The following TOGARAM1 variants were observed in gnomAD, a reference collection of about 807,000 sequenced individuals.
TOGARAM1 encodes TOG array regulator of axonemal microtubules protein 1.
TOGARAM1 carries 100 observed loss-of-function variants against 166.6 expected under a neutral mutation model. The observed-to-expected ratio is 0.60, with a 90% CI of 0.51 to 0.71. The LOEUF is 0.71. TOGARAM1 is among the 30% of genes least tolerant of loss of function. The pLI is 0.00. For synonymous variants in TOGARAM1, 758 were observed against 763.8 expected, an observed-to-expected ratio of 0.99 and a Z score of 0.13; for missense variants, 2,029 against 2,102.7, an observed-to-expected ratio of 0.96 and a Z score of 0.69.
chr14:45,073,459 A>G lies in TOGARAM1; in HGVS notation c.5220A>G (p.Ala1740=). ...ATAKLSKALF[A]QMGQNLLNQA... is the part of the protein sequence containing the mutation. ...CTAAATTATCAAAAGCACTCTTTGC[A>G]CAGATGGGTCAGAATCTGTTAAATC... is the stretch of plus-strand genomic sequence containing the variant. Residue 1740 remains alanine (A), a synonymous_variant, in exon 20 of 20, where the codon GCA becomes GCG. Coordinates refer to ENST00000361462, the MANE Select transcript of TOGARAM1 (RefSeq NM_001308120.2). 1 of 1,614,186 alleles carries G rather than the reference A, an allele frequency of 6.2e-7. No homozygotes were observed. The highest frequency in any genetic ancestry group is 2.2e-5 in the East Asian group (1 of 44,872).
intron 1 of TOGARAM1, among the ~76,000 whole-genome samples, chr14:44,980,494 A>G (rs1886469564): frequency 1.3e-5 from 2 of 152,206 alleles, no homozygotes. Context: ...CAGCCTGGCC[A>G]ACATAGTGAA....
In TOGARAM1 at chr14:45,022,404, G is replaced by A. The variant is rs185747705; in HGVS notation, c.3239-3379G>A. Reference sequence around the variant, plus strand: ...ATGGCCTGTTCTTTGTTCTCCTGAAGGAGCTTGGCGATAAGGCAGGGGATT... The same window carrying A: ...ATGGCCTGTTCTTTGTTCTCCTGAAAGAGCTTGGCGATAAGGCAGGGGATT... On this transcript the variant is annotated intron_variant, in intron 7 of 19. Transcript: ENST00000361462. Among the ~76,000 whole-genome samples the A allele has an allele frequency of 3.3e-4, 49 of 149,958 alleles. No individual in the cohort carries two copies. In the Middle Eastern group the frequency reaches 0.02, roughly 62 times the overall value.
intron 2 of TOGARAM1, among the ~76,000 whole-genome samples, chr14:44,998,619 G>C (rs530862690): frequency 6.6e-6 from 1 of 152,132 alleles, no homozygotes; most frequent in African/African-American, 2.4e-5. Flanking sequence ...GGCAATAAGA[G>C]TGAGACCCTG....
chr14:45,036,145 A>T (rs1224462450), intron 11 of TOGARAM1, among the ~76,000 whole-genome samples: 1 of 150,586 alleles, frequency 6.6e-6, no homozygotes, highest in Non-Finnish European at 1.5e-5. Context: ...AAAAAAAAAA[A>T]AAAAAAAAAA....
chr14:45,068,615 T>C lies in TOGARAM1; in HGVS notation c.4941T>C (p.Asn1647=). 6.2e-7 allele frequency: 1 copy of C among 1,610,614 alleles called. No homozygotes were observed. The highest frequency in any genetic ancestry group is 8.5e-7 in the Non-Finnish European group (1 of 1,178,422). The change falls in exon 18 of 20, where the codon AAT becomes AAC. Residue 1647 remains asparagine (N), a synonymous_variant. Coordinates refer to ENST00000361462, the MANE Select transcript of TOGARAM1 (RefSeq NM_001308120.2). ...CAGGCATCTATGCGGCTGCTACAAATGTTGTTCAGGCACTGAGTCAGCATG... is the reference window on the plus strand; with the variant it reads ...CAGGCATCTATGCGGCTGCTACAAACGTTGTTCAGGCACTGAGTCAGCATG... ...KNPGIYAAAT[N]VVQALSQHVD... is the part of the protein sequence containing the mutation.
intron 6 of TOGARAM1, among the ~76,000 whole-genome samples, chr14:45,011,523 A>G (rs181879384): frequency 7.9e-4 from 120 of 152,162 alleles, no homozygotes; most frequent in Non-Finnish European, 1.4e-3. Context: ...GATGGTGCCC[A>G]GGCTGGCCTT....
chr14:45,024,920 G>A (rs1402793459), intron 7 of TOGARAM1, among the ~76,000 whole-genome samples: 1 of 152,042 alleles, frequency 6.6e-6, no homozygotes, highest in Non-Finnish European at 1.5e-5. Context: ...AAAACCTAAA[G>A]CAATACATAT....
Position 45,052,575 on chromosome 14 carries a change from A to G in TOGARAM1, c.4440+13A>G. The G allele has an allele frequency of 6.3e-7, 1 of 1,579,726 alleles. No homozygotes were observed. On this transcript the variant is annotated intron_variant, in intron 15 of 19. Coordinates refer to ENST00000361462, the MANE Select transcript of TOGARAM1 (RefSeq NM_001308120.2). ...CTTACAGCAAAAGGTATGTGGGAAA[A>G]GTTTGTTTTATAAACAGCTTTATAA...
At position 45,008,867 on chromosome 14, in the gene TOGARAM1, A is replaced by G. The variant is rs201373605; in HGVS notation, c.2905-46A>G. 24 of 1,472,942 alleles carry G rather than the reference A, an allele frequency of 1.6e-5. No homozygotes were observed. In the East Asian group the frequency reaches 4.9e-4, roughly 30 times the overall value. 91.2% of individuals were successfully genotyped at this position (1,472,942 alleles called of 1,614,324 possible). ...AAATTTAAGGATAACTTTTACCAATATAAGGAATTTATGTTATAAAGTTTA... is the reference window on the plus strand; with the variant it reads ...AAATTTAAGGATAACTTTTACCAATGTAAGGAATTTATGTTATAAAGTTTA... On this transcript the variant is annotated intron_variant, in intron 5 of 19. Transcript: ENST00000361462.
chr14:45,037,909 T>C (rs1014359292), intron 11 of TOGARAM1, among the ~76,000 whole-genome samples: 8 of 150,492 alleles, frequency 5.3e-5, no homozygotes, highest in Non-Finnish European at 8.9e-5. Flanking sequence ...TCCCAGCTAC[T>C]GGGGAGGCTG....
intron 16 of TOGARAM1, 38 bp downstream of exon 16, chr14:45,054,587 C>G: frequency 2.2e-6 from 3 of 1,393,662 alleles, no homozygotes; most frequent in Non-Finnish European, 3.0e-6. Flanking sequence ...AGAAATTACT[C>G]CCTTGTGATA....
At position 45,034,079 on chromosome 14, in the gene TOGARAM1, C is replaced by T. The variant is rs566867762; in HGVS notation, c.3812+1703C>T. Among the ~76,000 whole-genome samples the T allele has an allele frequency of 2.2e-4, 33 of 152,216 alleles. No individual in the cohort carries two copies. In the South Asian group the frequency reaches 6.6e-3, roughly 31 times the overall value. On this transcript the variant is annotated intron_variant, in intron 11 of 19. Transcript: ENST00000361462. ...GGCTGAGGCACAAGAATCGCTTGAA[C>T]CTGGGAGGCAGAGGTTGCAGTGAAC...
chr14:44,979,270 C>T (rs1886397777), intron 1 of TOGARAM1, among the ~76,000 whole-genome samples: 1 of 152,104 alleles, frequency 6.6e-6, no homozygotes, highest in African/African-American at 2.4e-5. Flanking sequence ...AAACAATAGA[C>T]ATTTATTGCT....
chr14:45,056,661 T>TTTTTTTTAATTCCGTGTGTTAAAC (rs1462526364), intron 16 of TOGARAM1, among the ~76,000 whole-genome samples: 3 of 152,196 alleles, frequency 2.0e-5, no homozygotes, highest in Non-Finnish European at 4.4e-5. Flanking sequence ...GTGTGATGTA[T>TTTTTTTTAATTCCGTGTGTTAAAC]CATATTTTTT....
intron 11 of TOGARAM1, among the ~76,000 whole-genome samples, chr14:45,032,866 A>G (rs1483351986): frequency 1.3e-5 from 2 of 152,138 alleles, no homozygotes; most frequent in Non-Finnish European, 2.9e-5. Flanking sequence ...ACTATCTCTC[A>G]TTATACCCAT....
chr14:45,044,553 A>T, intron 12 of TOGARAM1, 82 bp from the exon 13 acceptor site: 2 of 1,017,276 alleles, frequency 2.0e-6, no homozygotes, highest in Admixed American at 2.6e-5. Context: ...AAAAAAAAAC[A>T]TTGTAAAATT....
At chr14:45,018,688 A>G (rs1028264136) in intron 7 of TOGARAM1, among the ~76,000 whole-genome samples, 1 of 152,216 alleles carries the variant, frequency 6.6e-6, no homozygotes, top group Non-Finnish European at 1.5e-5. Flanking sequence ...CATTTAGTCT[A>G]TAATATAGTT....
intron 7 of TOGARAM1, among the ~76,000 whole-genome samples, chr14:45,013,333 T>C (rs1594654119): frequency 6.6e-6 from 1 of 152,218 alleles, no homozygotes; most frequent in African/African-American, 2.4e-5. Context: ...GCTTTACTTT[T>C]CTTTAACTCT....
At chr14:45,067,434 C>T (rs1257252991) in intron 17 of TOGARAM1, among the ~76,000 whole-genome samples, 9 of 152,060 alleles carry the variant, frequency 5.9e-5, no homozygotes, top group African/African-American at 2.2e-4. Flanking sequence ...TCCTGTGTAC[C>T]TATCTTTAGG....
Sources: gnomAD v4.1 joint callset for allele counts (sites outside exome capture counted in the v4.1 genomes callset) on GRCh38, gnomAD v4.1.1 for gene constraint, MANE v1.5 for transcripts, NCBI Gene and HGNC (gene_info 2026-07-23, HGNC 2026-07-21) for gene names.